SPMIP2: variants seen among roughly 807,000 people sequenced by gnomAD.
The protein encoded by SPMIP2 is protein SPMIP2.
the SPMIP2 span, among the ~76,000 whole-genome samples, chr4:158,914,773 A>G: frequency 1.3e-5 from 2 of 152,356 alleles, no homozygotes; most frequent in East Asian, 3.9e-4. Context: ...TAAATAGTTT[A>G]GGGGACAACC....
the SPMIP2 span, among the ~76,000 whole-genome samples, chr4:158,972,164 C>T: frequency 2.0e-5 from 3 of 152,308 alleles, no homozygotes; most frequent in Non-Finnish European, 4.4e-5. Context: ...GAGTTCAAGA[C>T]CAGCCTGGCC....
At chr4:158,935,129 T>A in the SPMIP2 span, among the ~76,000 whole-genome samples, 27 of 152,294 alleles carry the variant, frequency 1.8e-4, no homozygotes, top group African/African-American at 6.3e-4. Flanking sequence ...CCACCAAACT[T>A]TTAAAACAAT....
the SPMIP2 span, among the ~76,000 whole-genome samples, chr4:158,995,855 CAAAAAAAAAA>C: frequency 1.4e-5 from 1 of 70,752 alleles, no homozygotes. Flanking sequence ...GACTCCATCT[CAAAAAAAAAA>C]AAAAAAAAAA....
chr4:158,987,961 G>GT, the SPMIP2 span, among the ~76,000 whole-genome samples: 1 of 152,002 alleles, frequency 6.6e-6, no homozygotes, highest in East Asian at 1.9e-4. Flanking sequence ...CCAGGAGCTG[G>GT]TTTTTTGAAA....
chr4:159,079,751 T>C, the SPMIP2 span, among the ~76,000 whole-genome samples: 1 of 152,234 alleles, frequency 6.6e-6, no homozygotes, highest in African/African-American at 2.4e-5. Flanking sequence ...TGTCACAGGA[T>C]ATTACTTTTT....
chr4:158,928,744 C>T, the SPMIP2 span, among the ~76,000 whole-genome samples: 11 of 152,262 alleles, frequency 7.2e-5, no homozygotes, highest in Middle Eastern at 3.4e-3. Flanking sequence ...TTTGGGTCCA[C>T]GCTGCTTTTA....
chr4:158,916,082 C>T, the SPMIP2 span, among the ~76,000 whole-genome samples: 2 of 152,320 alleles, frequency 1.3e-5, no homozygotes, highest in African/African-American at 4.8e-5. Context: ...TCTGTGGGTT[C>T]CCAAGGTCTT....
At chr4:159,053,057 C>T in the SPMIP2 span, among the ~76,000 whole-genome samples, 2 of 140,160 alleles carry the variant, frequency 1.4e-5, no homozygotes, top group Non-Finnish European at 3.1e-5. Flanking sequence ...CCCGGGTTCA[C>T]GCCATTCTCC....
chr4:158,993,293 G>C, the SPMIP2 span, among the ~76,000 whole-genome samples: 3 of 151,978 alleles, frequency 2.0e-5, no homozygotes, highest in African/African-American at 4.8e-5. Flanking sequence ...TTTGAGCCCA[G>C]AAGTTTGAGG....
the SPMIP2 span, among the ~76,000 whole-genome samples, chr4:158,986,982 G>GAC: frequency 7.0e-6 from 1 of 142,500 alleles, no homozygotes; most frequent in Non-Finnish European, 1.5e-5. Context: ...GACATGAACA[G>GAC]ACACTTCTCA....
At chr4:158,904,767 T>G in the SPMIP2 span, 2 of 515,710 alleles carry the variant, frequency 3.9e-6, no homozygotes, top group Non-Finnish European at 7.0e-6. Flanking sequence ...CTTTAGGCCA[T>G]TTGTTACCCA....
chr4:158,928,631 G>A, the SPMIP2 span, among the ~76,000 whole-genome samples: 1 of 152,202 alleles, frequency 6.6e-6, no homozygotes, highest in Non-Finnish European at 1.5e-5. Context: ...GAAAATAAAT[G>A]CAGGCTGCCA....
chr4:159,042,145 G>A, the SPMIP2 span, among the ~76,000 whole-genome samples: 2 of 152,172 alleles, frequency 1.3e-5, no homozygotes, highest in African/African-American at 2.4e-5. Flanking sequence ...TGAACTGATT[G>A]TATCATTCAA....
At chr4:159,055,260 A>G in the SPMIP2 span, among the ~76,000 whole-genome samples, 21 of 152,202 alleles carry the variant, frequency 1.4e-4, 1 homozygote, top group African/African-American at 5.1e-4. Flanking sequence ...AGGGTGCTCT[A>G]TAAGTGTTTG....
the SPMIP2 span, among the ~76,000 whole-genome samples, chr4:159,001,237 G>T: frequency 7.2e-5 from 11 of 151,890 alleles, no homozygotes; most frequent in African/African-American, 2.4e-4. Context: ...AATCTCTAAT[G>T]ACTAATCATG....
chr4:158,895,560 T>G, the SPMIP2 span, among the ~76,000 whole-genome samples: 51 of 152,370 alleles, frequency 3.3e-4, no homozygotes, highest in Middle Eastern at 0.014. Context: ...AAGTAAACTT[T>G]GTTTTACAAG....
the SPMIP2 span, among the ~76,000 whole-genome samples, chr4:158,979,676 T>G: frequency 2.0e-5 from 3 of 151,944 alleles, no homozygotes; most frequent in African/African-American, 7.2e-5. Flanking sequence ...TTTCCCAAGG[T>G]CTTCACAACC....
chr4:158,990,210 TA>T, the SPMIP2 span, among the ~76,000 whole-genome samples: 1 of 152,144 alleles, frequency 6.6e-6, no homozygotes, highest in African/African-American at 2.4e-5. Flanking sequence ...TGGCAATCAT[TA>T]AAAAGTCAGG....
the SPMIP2 span, among the ~76,000 whole-genome samples, chr4:158,944,744 C>T: frequency 2.0e-5 from 3 of 152,248 alleles, no homozygotes; most frequent in African/African-American, 7.2e-5. Context: ...GTCATCACTG[C>T]CTCCATGACT....
Sources: allele counts gnomAD v4.1 joint callset (sites outside exome capture counted in the v4.1 genomes callset), GRCh38; gene constraint gnomAD v4.1.1; transcripts MANE v1.5; gene names NCBI Gene and HGNC (gene_info 2026-07-23, HGNC 2026-07-21).